The following CYB5R3 variants were observed in gnomAD, a reference collection of about 807,000 sequenced individuals.
The protein encoded by CYB5R3 is NADH-cytochrome b5 reductase 3.
A neutral mutation model predicts 36.5 loss-of-function variants in CYB5R3; 28 were observed. The ratio of observed to expected loss-of-function variants is 0.77; its 90% CI spans 0.57 to 1.05. The LOEUF (loss-of-function observed/expected upper bound fraction) is 1.05. Ranked by LOEUF, CYB5R3 falls within the 50% of genes least tolerant of loss-of-function variation. The probability of loss-of-function intolerance (pLI) is 0.00; values close to 1 mark genes in which losing one functional copy is unlikely to be tolerated. For synonymous variants in CYB5R3, 181 were observed against 159.8 expected (o/e 1.13, Z -1.00); for missense variants, 474 against 408.9 (o/e 1.16, Z -1.37).
intron 1 of CYB5R3, among the ~76,000 whole-genome samples, chr22:42,643,042 T>C (rs781484207): frequency 5.9e-5 from 9 of 152,294 alleles, no homozygotes; most frequent in South Asian, 2.1e-4. Context: ...TACGGGCCCC[T>C]TGAGGTAGTA....
chr22:42,643,687 C>T (rs8190410), intron 1 of CYB5R3, among the ~76,000 whole-genome samples: 16,802 of 152,130 alleles, frequency 0.11, 1,138 homozygotes, highest in Middle Eastern at 0.19. Context: ...CTCTGGCCAC[C>T]ACCCATTTAA....
At chr22:42,638,195 A>C (rs1352334321) in intron 1 of CYB5R3, among the ~76,000 whole-genome samples, 1 of 152,058 alleles carries the variant, frequency 6.6e-6, no homozygotes, top group Non-Finnish European at 1.5e-5. Flanking sequence ...CAGGAGTTCG[A>C]GACCAGCCTG....
At chr22:42,621,182 T>TTTTGTG (rs1219788150) in intron 8 of CYB5R3, among the ~76,000 whole-genome samples, 11 of 105,078 alleles carry the variant, frequency 1.0e-4, no homozygotes, top group Middle Eastern at 9.2e-3. Context: ...GATTTCTTTT[T>TTTTGTG]AGTGTGTGTG....
intron 3 of CYB5R3, 41 bp from the exon 4 acceptor site, chr22:42,631,029 C>A (rs766174168): frequency 1.3e-6 from 2 of 1,561,820 alleles, no homozygotes; most frequent in East Asian, 4.5e-5. Flanking sequence ...AGAGATCATC[C>A]TGCGGGTGAC....
intron 2 of CYB5R3, among the ~76,000 whole-genome samples, chr22:42,634,836 GCT>G (rs1928805691): frequency 7.7e-6 from 1 of 130,570 alleles, no homozygotes; most frequent in African/African-American, 3.0e-5. Flanking sequence ...ACAGCGTCTT[GCT>G]CTGTAGCCCA....
intron 4 of CYB5R3, among the ~76,000 whole-genome samples, chr22:42,629,640 G>A (rs1928504661): frequency 6.6e-6 from 1 of 152,206 alleles, no homozygotes; most frequent in South Asian, 2.1e-4. Flanking sequence ...ACCTGGCAAG[G>A]TAAGGGCCTC....
chr22:42,630,813 G>A (rs1928570102), intron 4 of CYB5R3, 69 bp downstream of exon 4: 5 of 1,325,980 alleles, frequency 3.8e-6, no homozygotes, highest in Non-Finnish European at 5.3e-6. Flanking sequence ...CTGTCCAGGG[G>A]GTCCACATGG....
At chr22:42,646,502 C>T in intron 1 of CYB5R3, 1 of 255,330 alleles carries the variant, frequency 3.9e-6, no homozygotes, top group Non-Finnish European at 6.2e-6. Context: ...CACTGGGACC[C>T]TGGCCTCCAC....
intron 6 of CYB5R3, 96 bp downstream of exon 6, chr22:42,627,509 G>A (rs899587965): frequency 1.4e-6 from 2 of 1,467,786 alleles, no homozygotes; most frequent in Non-Finnish European, 1.9e-6. Context: ...CCTGACCTCT[G>A]GTAGCTCCCA....
chr22:42,624,441 C>T (rs1928158659), intron 7 of CYB5R3, among the ~76,000 whole-genome samples: 1 of 152,076 alleles, frequency 6.6e-6, no homozygotes, highest in Non-Finnish European at 1.5e-5. Flanking sequence ...GCCTTGCCCA[C>T]ACCCATCCTC....
Position 42,630,871 on chromosome 22 carries a change from A to G in CYB5R3, c.333+11T>C. 6.2e-7 allele frequency: 1 copy of G among 1,607,902 alleles called. No homozygotes were observed. The highest frequency in any genetic ancestry group is 1.1e-5 in the South Asian group (1 of 90,040). On this transcript the variant is annotated intron_variant, in intron 4 of 8. Transcript: ENST00000352397. ...CACACCCCCTCCACAGTCATGACCCAGAGGCTTCACCTTGATGACCAGGTC... is the reference window on the plus strand; with the variant it reads ...CACACCCCCTCCACAGTCATGACCCGGAGGCTTCACCTTGATGACCAGGTC...
chr22:42,641,844 G>A (rs1041706816), intron 1 of CYB5R3, among the ~76,000 whole-genome samples: 1 of 151,742 alleles, frequency 6.6e-6, no homozygotes, highest in Admixed American at 6.6e-5. Context: ...TGGTCTCATC[G>A]AACTCCTGAC....
rs1334639103 is a variant in CYB5R3, at chr22:42,623,782, C to T, written c.733+7G>A. 2 of 1,613,284 alleles carry T rather than the reference C, an allele frequency of 1.2e-6. No homozygotes were observed. Among genetic ancestry groups the T allele is most frequent in the Non-Finnish European group, 1.7e-6 (2 of 1,179,260 alleles). ...CACCCACCCAGTGAGGGGCCTCCCT[C>T]ACTCACCTTCAGGGGCTCTGTCCAG... is the stretch of plus-strand genomic sequence containing the variant. On this transcript the variant is annotated splice_region_variant and intron_variant, in intron 8 of 8. Coordinates refer to ENST00000352397, the MANE Select transcript of CYB5R3 (RefSeq NM_000398.7).
rs1429929764 is a variant in CYB5R3 at position 42,649,304 on chromosome 22, C to A, written c.12G>T (p.Gln4His). 4 of 1,026,414 alleles carry A rather than the reference C, an allele frequency of 3.9e-6. No homozygotes were observed. The Admixed American group carries it at 1.6e-4, about 41-fold the overall frequency. The allele number at this position is 1,026,414 out of a possible 1,614,324, so 63.6% of individuals were successfully genotyped here. A position where few individuals can be genotyped will look rare whatever the true frequency, so the allele number is the denominator to read the frequency against. The part of the protein sequence containing the change: MGA[Q>H]LSTLGHMVLF... ...CCCCCTCCCCGCCTACCGTGCTGAG[C>A]TGGGCCCCCATGGTGGCCCCGCGCC... The change falls in exon 1 of 9, where the codon CAG becomes CAT. Residue 4 changes from glutamine to histidine, a missense_variant. Coordinates refer to ENST00000352397, the MANE Select transcript of CYB5R3 (RefSeq NM_000398.7).
chr22:42,631,584 G>C, intron 2 of CYB5R3, 134 bp from the exon 3 acceptor site: 1 of 801,976 alleles, frequency 1.2e-6, no homozygotes, highest in East Asian at 2.7e-5. Context: ...GTCCTTGTAA[G>C]ACGTGACGCC....
chr22:42,627,246 G>A (rs1400194347), intron 7 of CYB5R3, 58 bp downstream of exon 7: 4 of 1,436,628 alleles, frequency 2.8e-6, no homozygotes, highest in Non-Finnish European at 3.9e-6. Flanking sequence ...ACCTGACCAG[G>A]CCCGAAGTCC....
intron 1 of CYB5R3, chr22:42,646,565 C>T (rs1009643702): frequency 2.4e-6 from 2 of 830,536 alleles, no homozygotes; most frequent in South Asian, 5.5e-5. Flanking sequence ...GGCCCCCGAC[C>T]TGGCAGGCCC....
chr22:42,649,155 G>C, intron 1 of CYB5R3, 140 bp downstream of exon 1: 1 of 238,526 alleles, frequency 4.2e-6, no homozygotes, highest in Non-Finnish European at 7.1e-6. Context: ...GGTGGGGCGC[G>C]GCGGGCTGGG....
intron 4 of CYB5R3, 39 bp from the exon 5 acceptor site, chr22:42,628,320 G>C (rs780286087): frequency 6.2e-7 from 1 of 1,611,444 alleles, no homozygotes; most frequent in Admixed American, 1.7e-5. Flanking sequence ...CCCAGCTCCA[G>C]GTCTCAGGGG....
Sources: allele counts gnomAD v4.1 joint callset (sites outside exome capture counted in the v4.1 genomes callset), GRCh38; gene constraint gnomAD v4.1.1; transcripts MANE v1.5; gene names NCBI Gene and HGNC (gene_info 2026-07-23, HGNC 2026-07-21).